The following PGBD5 variants were observed in gnomAD, a reference collection of about 807,000 sequenced individuals.
The protein encoded by PGBD5 is piggyBac transposable element derived 5, also known as piggyBac transposable element-derived protein 5.
A neutral mutation model predicts 47.9 loss-of-function variants in PGBD5; 14 were observed. The ratio of observed to expected loss-of-function variants is 0.29; its 90% CI spans 0.19 to 0.46. The LOEUF is 0.46. PGBD5 is among the 20% of genes least tolerant of loss of function. The pLI, the probability that PGBD5 is intolerant of heterozygous loss-of-function variation, is 1.00. For missense variants in PGBD5, 635 were observed against 716.0 expected (o/e 0.89, Z 1.29); for synonymous variants, 316 against 306.3 (o/e 1.03, Z -0.33).
chr1:230,405,564 A>C (rs1421378880), intron 1 of PGBD5, among the ~76,000 whole-genome samples: 1 of 152,210 alleles, frequency 6.6e-6, no homozygotes, highest in African/African-American at 2.4e-5. Flanking sequence ...GTCTGTTATT[A>C]GTTAAGTTTT....
chr1:230,404,024 G>A (rs889033656), intron 1 of PGBD5, among the ~76,000 whole-genome samples: 5 of 152,190 alleles, frequency 3.3e-5, no homozygotes, highest in African/African-American at 1.2e-4. Context: ...TCTTCAAAGA[G>A]AAGAAAGGTG....
rs139877889 is a variant in PGBD5 at position 230,350,962 on chromosome 1, A to G, written c.890T>C (p.Ile297Thr). 1.2e-6 allele frequency: 2 copies of G among 1,613,850 alleles called. No homozygotes were observed. The highest frequency in any genetic ancestry group is 2.7e-5 in the African/African-American group (2 of 74,938). The change falls in exon 3 of 7, where the codon ATC becomes ACC. Residue 297 changes from isoleucine to threonine, a missense_variant. Ile to Thr is a moderately conservative substitution (Grantham distance 89). Coordinates refer to ENST00000391860, the MANE Select transcript of PGBD5 (RefSeq NM_001258311.2). ...VRQCSSTGFI[I>T]QIYVHLKEGG... is the part of the protein sequence containing the mutation. ...CGGGCTCAGCCCAGGGCTCACCTGG[A>G]TGATGAAGCCAGTGGAAGAACATTG...
intron 3 of PGBD5, among the ~76,000 whole-genome samples, chr1:230,348,866 T>C (rs1445720077): frequency 6.6e-6 from 1 of 152,184 alleles, no homozygotes; most frequent in Admixed American, 6.5e-5. Context: ...ATTAATTGCC[T>C]CCTTGGCTCT....
chr1:230,319,519 CCT>C lies in PGBD5; in HGVS notation c.*3904_*3905del, dbSNP rs887913571. The C allele has an allele frequency of 6.2e-4, 94 of 152,244 alleles. No homozygotes were observed. Among genetic ancestry groups the C allele is most frequent in the African/African-American group, 2.1e-3 (87 of 41,546 alleles). 9.4% of individuals were successfully genotyped at this position (152,244 alleles called of 1,614,324 possible). A position where few individuals can be genotyped will look rare whatever the true frequency, so the allele number is the denominator to read the frequency against. ...TGGCCCTCCCGGGTTTGCCCTGCTTCCTCTCAGCCTGATGCTTGGTGACCCCC... is the reference window on the plus strand; with the variant it reads ...TGGCCCTCCCGGGTTTGCCCTGCTTCCTCAGCCTGATGCTTGGTGACCCCC... On this transcript the variant is annotated 3_prime_UTR_variant, in exon 7 of 7. Transcript: ENST00000391860.
At chr1:230,377,553 C>T (rs746820757) in intron 1 of PGBD5, 3 of 1,610,458 alleles carry the variant, frequency 1.9e-6, no homozygotes, top group South Asian at 1.1e-5. Flanking sequence ...TGAGCAACTG[C>T]AGCTCAGGTC....
intron 1 of PGBD5, among the ~76,000 whole-genome samples, chr1:230,403,415 A>G (rs946990282): frequency 6.6e-6 from 1 of 152,202 alleles, no homozygotes; most frequent in Non-Finnish European, 1.5e-5. Flanking sequence ...CTGTCTCTAC[A>G]GCACTGAGAA....
intron 1 of PGBD5, among the ~76,000 whole-genome samples, chr1:230,422,949 T>C (rs2102757601): frequency 6.6e-6 from 1 of 151,224 alleles, no homozygotes; most frequent in African/African-American, 2.4e-5. Context: ...CTCATAATGG[T>C]CCCCAGTGTC....
rs909176190 is a variant in PGBD5, at chr1:230,314,975, G to A, written c.*8450C>T. 5 of 152,130 alleles carry A rather than the reference G, an allele frequency of 3.3e-5. No homozygotes were observed. The highest frequency in any genetic ancestry group is 1.2e-4 in the African/African-American group (5 of 41,422). The allele number at this position is 152,130 out of a possible 1,614,324, so 9.4% of individuals were successfully genotyped here. ...TAGGGATGAGTGTGAATCTCCATTT[G>A]AGGAAGGGGAAGAAGAGCTTGGAGG... On this transcript the variant is annotated 3_prime_UTR_variant, in exon 7 of 7. Coordinates refer to ENST00000391860, the MANE Select transcript of PGBD5 (RefSeq NM_001258311.2).
At chr1:230,380,367 G>A (rs932061811) in intron 1 of PGBD5, among the ~76,000 whole-genome samples, 6 of 152,228 alleles carry the variant, frequency 3.9e-5, no homozygotes, top group Non-Finnish European at 8.8e-5. Context: ...GGCAGCCACA[G>A]GGCGCTCTGC....
At chr1:230,376,079 C>G (rs1416250379) in intron 1 of PGBD5, among the ~76,000 whole-genome samples, 2 of 149,396 alleles carry the variant, frequency 1.3e-5, no homozygotes, top group African/African-American at 4.9e-5. Flanking sequence ...CTTTGTTTGA[C>G]AGGGAGCAAC....
intron 1 of PGBD5, among the ~76,000 whole-genome samples, chr1:230,388,792 C>T (rs1381454027): frequency 6.6e-6 from 1 of 152,176 alleles, no homozygotes; most frequent in East Asian, 1.9e-4. Context: ...TTGCAGGCCA[C>T]GTGTTTTACC....
chr1:230,394,595 C>T (rs1656877610), intron 1 of PGBD5, among the ~76,000 whole-genome samples: 1 of 135,068 alleles, frequency 7.4e-6, no homozygotes, highest in Non-Finnish European at 1.6e-5. Flanking sequence ...CCTTGTGCTC[C>T]TCTCCATCCC....
intron 3 of PGBD5, among the ~76,000 whole-genome samples, chr1:230,348,326 G>A (rs775525706): frequency 9.2e-5 from 14 of 152,206 alleles, no homozygotes; most frequent in Non-Finnish European, 1.3e-4. Context: ...GCTAGTTCAC[G>A]TGGGAGGTAA....
At chr1:230,341,608 C>T (rs1222887142) in intron 3 of PGBD5, among the ~76,000 whole-genome samples, 6 of 152,150 alleles carry the variant, frequency 3.9e-5, no homozygotes, top group South Asian at 2.1e-4. Context: ...AGACACGACA[C>T]GGAAGGAAAT....
intron 1 of PGBD5, among the ~76,000 whole-genome samples, chr1:230,406,725 C>T (rs1312249786): frequency 6.6e-6 from 1 of 152,146 alleles, no homozygotes; most frequent in African/African-American, 2.4e-5. Flanking sequence ...ATAACTATTT[C>T]AAGAAACATT....
intron 5 of PGBD5, among the ~76,000 whole-genome samples, chr1:230,330,006 A>G (rs899887840): frequency 2.6e-5 from 4 of 152,338 alleles, no homozygotes; most frequent in African/African-American, 9.6e-5. Context: ...ATCACAAATA[A>G]AAACAAAAGG....
At chr1:230,421,134 C>T (rs868677325) in intron 1 of PGBD5, among the ~76,000 whole-genome samples, 4 of 152,140 alleles carry the variant, frequency 2.6e-5, no homozygotes, top group Non-Finnish European at 4.4e-5. Context: ...TAGGACAACT[C>T]GGGACAGCAA....
intron 1 of PGBD5, among the ~76,000 whole-genome samples, chr1:230,369,103 G>A (rs577439684): frequency 9.8e-5 from 15 of 152,388 alleles, no homozygotes; most frequent in Admixed American, 2.0e-4. Flanking sequence ...CTCGGGTGAA[G>A]CCAGAAGACT....
intron 1 of PGBD5, among the ~76,000 whole-genome samples, chr1:230,362,833 T>C (rs828480): frequency 0.56 from 84,858 of 151,912 alleles, 25,981 homozygotes; most frequent in Non-Finnish European, 0.69. Flanking sequence ...TGGGAAGCAT[T>C]GGGTCTCTAT....
Sources: gnomAD v4.1 joint callset for allele counts (sites outside exome capture counted in the v4.1 genomes callset) on GRCh38, gnomAD v4.1.1 for gene constraint, MANE v1.5 for transcripts, NCBI Gene and HGNC (gene_info 2026-07-23, HGNC 2026-07-21) for gene names.